The following SLCO1A2 variants were observed in gnomAD, a reference collection of about 807,000 sequenced individuals.
SLCO1A2 encodes the protein solute carrier organic anion transporter family member 1A2, also known as OATP-1.
Under a neutral mutation model 69.0 loss-of-function variants are expected in SLCO1A2, and 67 were observed. That is an observed-to-expected ratio of 0.97 (90% CI 0.80 to 1.19). SLCO1A2 has a LOEUF of 1.19. Ranked by LOEUF, SLCO1A2 falls within the 50% of genes most tolerant of loss-of-function variation. The pLI is 0.00. For missense variants in SLCO1A2, 787 were observed against 793.7 expected (o/e 0.99, Z 0.10); for synonymous variants, 260 against 265.9 (o/e 0.98, Z 0.22).
intron 1 of SLCO1A2, among the ~76,000 whole-genome samples, chr12:21,377,691 A>G (rs1239875999): frequency 3.3e-5 from 5 of 152,080 alleles, no homozygotes; most frequent in Admixed American, 2.0e-4. Flanking sequence ...CTTTCACTCA[A>G]CCTAATGTCC....
At chr12:21,374,206 T>G (rs1259487174) in intron 2 of SLCO1A2, among the ~76,000 whole-genome samples, 1 of 152,202 alleles carries the variant, frequency 6.6e-6, no homozygotes, top group Non-Finnish European at 1.5e-5. Context: ...CACGTAAAAC[T>G]CTTAGAGTAG....
chr12:21,331,713 C>T (rs1255144211), intron 2 of SLCO1A2, among the ~76,000 whole-genome samples: 2 of 152,000 alleles, frequency 1.3e-5, no homozygotes, highest in Non-Finnish European at 2.9e-5. Flanking sequence ...AAAAAAAAAG[C>T]TCAAACTTGC....
chr12:21,274,500 C>A lies in SLCO1A2; in HGVS notation c.1762G>T (p.Ala588Ser), dbSNP rs759529604. ...GTGGTGGAATCATATATCCTGCATG[C>A]CCCTGACTCACCACATTTCAAAGTT... Reference protein sequence around the residue: ...WGTLKCGESGACRIYDSTTFR... With the variant: ...WGTLKCGESGSCRIYDSTTFR... The change falls in exon 14 of 15, where the codon GCA becomes TCA. Residue 588 changes from alanine (A) to serine (S), a missense_variant. Physicochemically the swap from Ala to Ser is moderately conservative, Grantham distance 99 (BLOSUM62 1). Coordinates refer to ENST00000683939, the MANE Select transcript of SLCO1A2 (RefSeq NM_001386879.1). The A allele has an allele frequency of 6.2e-7, 1 of 1,612,748 alleles. No homozygotes were observed. The highest frequency in any genetic ancestry group is 8.5e-7 in the Non-Finnish European group (1 of 1,178,884).
At chr12:21,401,867 G>C (rs1941716253) in intron 1 of SLCO1A2, among the ~76,000 whole-genome samples, 1 of 151,540 alleles carries the variant, frequency 6.6e-6, no homozygotes, top group Non-Finnish European at 1.5e-5. Context: ...AAATGAAAAT[G>C]TATTATATGA....
intron 2 of SLCO1A2, chr12:21,319,515 C>A: frequency 7.6e-7 from 1 of 1,307,348 alleles, no homozygotes; most frequent in Non-Finnish European, 1.0e-6. Context: ...AACCCTTGAG[C>A]TCAGCAATCC....
At chr12:21,399,709 A>G (rs1374082233), upstream of SLCO1A2, among the ~76,000 whole-genome samples, 26 of 117,232 alleles carry the variant, frequency 2.2e-4, no homozygotes, top group Non-Finnish European at 3.1e-4. Context: ...CAGAGCCCTC[A>G]GAAATAACGC....
rs202199268 is a variant in SLCO1A2, at chr12:21,292,195, C to A, written c.1579G>T (p.Ala527Ser). 2 of 1,605,684 alleles carry A rather than the reference C, an allele frequency of 1.2e-6. No individual in the cohort carries two copies. Among genetic ancestry groups the A allele is most frequent in the South Asian group, 1.1e-5 (1 of 89,966 alleles). ...AGAACCATATATCCAGGTATGGCAG[C>A]CAAAGAATAAATGAAACTGCTCATC... ...SAMSSFIYSL[A>S]AIPGYMVLLR... is the part of the protein sequence containing the mutation. Residue 527 changes from alanine (A) to serine (S), a missense_variant, in exon 12 of 15, where the codon GCT becomes TCT. Transcript: ENST00000683939.
At position 21,267,537 on chromosome 12, in the gene SLCO1A2, C is replaced by T. The variant is rs4149009; in HGVS notation, c.*2011G>A. ...GAACTAACCTCATTATGTCCTCTGCCCCCATTTATGTCAGTCACCTAAATA... is the reference window on the plus strand; with the variant it reads ...GAACTAACCTCATTATGTCCTCTGCTCCCATTTATGTCAGTCACCTAAATA... On this transcript the variant is annotated 3_prime_UTR_variant, in exon 15 of 15. Transcript: ENST00000683939. The T allele has an allele frequency of 0.38, 57,565 of 151,970 alleles. 11,866 individuals are homozygous for T. Among genetic ancestry groups the T allele is most frequent in the African/African-American group, 0.55 (22,889 of 41,450 alleles). 9.4% of individuals were successfully genotyped at this position (151,970 alleles called of 1,614,324 possible).
intron 6 of SLCO1A2, among the ~76,000 whole-genome samples, chr12:21,303,446 T>C (rs1413392968): frequency 6.6e-6 from 1 of 152,184 alleles, no homozygotes; most frequent in Non-Finnish European, 1.5e-5. Context: ...GAAAAGTCAC[T>C]TGGGTTAATG....
chr12:21,348,918 C>T (rs932741429), intron 2 of SLCO1A2, among the ~76,000 whole-genome samples: 2 of 152,210 alleles, frequency 1.3e-5, no homozygotes, highest in South Asian at 2.1e-4. Context: ...CTACGGCCTT[C>T]GGGTGGTAAT....
chr12:21,327,279 C>G (rs1256620937), intron 2 of SLCO1A2, among the ~76,000 whole-genome samples: 1 of 152,294 alleles, frequency 6.6e-6, no homozygotes, highest in Non-Finnish European at 1.5e-5. Context: ...AGGTATGCTG[C>G]AGAGGCAGGA....
chr12:21,308,987 A>G (rs1177971932), intron 4 of SLCO1A2, among the ~76,000 whole-genome samples: 2 of 152,254 alleles, frequency 1.3e-5, no homozygotes, highest in Admixed American at 1.3e-4. Context: ...CCAAGAAGAA[A>G]GATGAACAAA....
chr12:21,322,567 C>A (rs148460194), intron 2 of SLCO1A2, among the ~76,000 whole-genome samples: 19 of 152,110 alleles, frequency 1.2e-4, no homozygotes, highest in Non-Finnish European at 2.1e-4. Flanking sequence ...AAAATAATAT[C>A]TGGGTTATAA....
At chr12:21,299,871 T>C (rs1948421777) in intron 8 of SLCO1A2, among the ~76,000 whole-genome samples, 1 of 105,414 alleles carries the variant, frequency 9.5e-6, no homozygotes, top group Admixed American at 1.2e-4. Flanking sequence ...TATATACGTG[T>C]GTGTATATAT....
At position 21,414,939 on chromosome 12, in the gene SLCO1A2, A is replaced by G. The variant is rs968385850; in HGVS notation, c.-312+2943T>C. ...ATCATTATTTTGTACCTTAAAGTCT[A>G]TTTTATTGGATATGAATAACTACAC... On this transcript the variant is annotated intron_variant, in intron 1 of 4. Transcript: ENST00000413682. 5.5e-4 allele frequency among the ~76,000 whole-genome samples: 84 copies of G among 152,178 alleles called. 1 individual carries two copies. Among genetic ancestry groups the G allele is most frequent in the Non-Finnish European group, 7.9e-4 (54 of 67,964 alleles).
upstream of SLCO1A2, among the ~76,000 whole-genome samples, chr12:21,397,081 T>C (rs1591916095): frequency 2.6e-5 from 4 of 152,040 alleles, 1 homozygote; most frequent in African/African-American, 9.7e-5. Context: ...GACTGGCAAA[T>C]TGGATAAAGA....
rs1453352639 is a variant in SLCO1A2, at chr12:21,297,547, CTT to C, written c.930_931del (p.Leu312PhefsTer22). The C allele has an allele frequency of 2.5e-6, 4 of 1,576,002 alleles. No homozygotes were observed. The East Asian group carries it at 6.9e-5, about 27-fold the overall frequency. On this transcript the variant is annotated frameshift_variant, in exon 9 of 15. Coordinates refer to ENST00000683939, the MANE Select transcript of SLCO1A2 (RefSeq NM_001386879.1). LOFTEE classifies it high-confidence loss of function. ...CATATAAATTGGATTGCAGGAAAGA[CTT>C]TTCATGAAAGGTAGAAAATCTGAAA...
At chr12:21,368,411 G>A (rs1939544726) in intron 2 of SLCO1A2, among the ~76,000 whole-genome samples, 1 of 151,974 alleles carries the variant, frequency 6.6e-6, no homozygotes, top group African/African-American at 2.4e-5. Flanking sequence ...AAATTAAAGA[G>A]TCACACAGAG....
chr12:21,334,384 ACT>A (rs1952794723), intron 2 of SLCO1A2, among the ~76,000 whole-genome samples: 1 of 152,090 alleles, frequency 6.6e-6, no homozygotes, highest in African/African-American at 2.4e-5. Flanking sequence ...GCCATTTAGG[ACT>A]AACTTGCCTG....
Sources: gnomAD v4.1 joint callset for allele counts (sites outside exome capture counted in the v4.1 genomes callset) on GRCh38, gnomAD v4.1.1 for gene constraint, MANE v1.5 for transcripts, NCBI Gene and HGNC (gene_info 2026-07-23, HGNC 2026-07-21) for gene names.